The following FRAS1 variants were observed in gnomAD, a reference collection of about 807,000 sequenced individuals.
The protein encoded by FRAS1 is Fraser extracellular matrix complex subunit 1.
A neutral mutation model predicts 435.2 loss-of-function variants in FRAS1; 290 were observed. That is an observed-to-expected ratio of 0.67 (90% CI 0.61 to 0.73). The LOEUF (loss-of-function observed/expected upper bound fraction) is 0.73. Ranked by LOEUF, FRAS1 falls within the 30% of genes least tolerant of loss-of-function variation. The probability of loss-of-function intolerance (pLI) is 0.00; values close to 1 mark genes in which losing one functional copy is unlikely to be tolerated. For synonymous variants in FRAS1, 1,800 were observed against 1,851.0 expected, an observed-to-expected ratio of 0.97 and a Z score of 0.71; for missense variants, 4,860 against 5,001.5, an observed-to-expected ratio of 0.97 and a Z score of 0.85.
At position 78,479,325 on chromosome 4, in the gene FRAS1, T is replaced by A. The variant is rs370911980; in HGVS notation, c.8099-49T>A. ...TTAACTTACCAGAGGTTTTAAAATC[T>A]GAGAAGCACTCATTCAAATGCTTTG... On this transcript the variant is annotated intron_variant, in intron 55 of 73. Coordinates refer to ENST00000512123, the MANE Select transcript of FRAS1 (RefSeq NM_025074.7). 53 of 1,271,268 alleles carry A rather than the reference T, an allele frequency of 4.2e-5. No individual in the cohort carries two copies. In the African/African-American group the frequency reaches 6.7e-4, roughly 16 times the overall value. 78.7% of individuals were successfully genotyped at this position (1,271,268 alleles called of 1,614,324 possible). A position where few individuals can be genotyped will look rare whatever the true frequency, so the allele number is the denominator to read the frequency against.
chr4:78,117,806 G>A (rs1046315227), intron 2 of FRAS1, among the ~76,000 whole-genome samples: 17 of 152,196 alleles, frequency 1.1e-4, no homozygotes, highest in East Asian at 3.9e-4. Flanking sequence ...TAGTTTGATC[G>A]TCTGAAGCCT....
rs376549595 is a variant in FRAS1, at chr4:78,111,754, A to AT, written c.108+45738_108+45739insT. 7.7e-3 allele frequency among the ~76,000 whole-genome samples: 390 copies of AT among 50,436 alleles called. 1 individual carries two copies. Among genetic ancestry groups the AT allele is most frequent in the Middle Eastern group, 0.019 (2 of 108 alleles). 33.1% of individuals were successfully genotyped at this position (50,436 alleles called of 152,430 possible). A position where few individuals can be genotyped will look rare whatever the true frequency, so the allele number is the denominator to read the frequency against. Reference sequence around the variant, plus strand: ...GTACCCTAAAACTTAGAGTATAATAAAAAAAAAAAAAAAAAAAAAAGATGA... The same window carrying AT: ...GTACCCTAAAACTTAGAGTATAATAATAAAAAAAAAAAAAAAAAAAAGATGA... On this transcript the variant is annotated intron_variant, in intron 2 of 73. Transcript: ENST00000512123.
At chr4:78,284,907 C>T (rs753178350) in intron 13 of FRAS1, among the ~76,000 whole-genome samples, 19 of 151,994 alleles carry the variant, frequency 1.3e-4, no homozygotes, top group Non-Finnish European at 2.4e-4. Context: ...TCAATTAATC[C>T]GGGATAGAAA....
At position 78,518,428 on chromosome 4, in the gene FRAS1, A is replaced by G. The variant is rs920709291; in HGVS notation, c.10390-903A>G. Among the ~76,000 whole-genome samples the G allele has an allele frequency of 1.8e-3, 98 of 54,208 alleles. 1 individual carries two copies. Among genetic ancestry groups the G allele is most frequent in the South Asian group, 0.018 (13 of 740 alleles). 35.6% of individuals were successfully genotyped at this position (54,208 alleles called of 152,430 possible). A position where few individuals can be genotyped will look rare whatever the true frequency, so the allele number is the denominator to read the frequency against. ...AGCTAAGTTTTTTTGTTGTGTATAT[A>G]TATATATATATATATATATATATAT... On this transcript the variant is annotated intron_variant, in intron 66 of 73. Transcript: ENST00000512123.
intron 51 of FRAS1, 31 bp downstream of exon 51, chr4:78,470,122 C>A: frequency 7.0e-7 from 1 of 1,434,260 alleles, no homozygotes; most frequent in Non-Finnish European, 9.8e-7. Flanking sequence ...ATGTTCACAC[C>A]ACCCAACTTG....
chr4:78,159,290 A>C (rs1721033586), intron 2 of FRAS1, among the ~76,000 whole-genome samples: 1 of 152,200 alleles, frequency 6.6e-6, no homozygotes, highest in Admixed American at 6.6e-5. Flanking sequence ...GAAAATATAG[A>C]GGAAGTGACC....
chr4:78,155,215 A>G (rs971048990), intron 2 of FRAS1, among the ~76,000 whole-genome samples: 2 of 152,220 alleles, frequency 1.3e-5, no homozygotes, highest in African/African-American at 4.8e-5. Context: ...TGGCTGGAAC[A>G]GAACCACCCT....
At chr4:78,539,080 A>C (rs1036346625) in intron 72 of FRAS1, among the ~76,000 whole-genome samples, 1 of 152,008 alleles carries the variant, frequency 6.6e-6, no homozygotes, top group Non-Finnish European at 1.5e-5. Flanking sequence ...CATGGGGATT[A>C]TGGGAACTGT....
intron 9 of FRAS1, among the ~76,000 whole-genome samples, chr4:78,275,454 G>A (rs1049454976): frequency 5.3e-5 from 8 of 152,152 alleles, no homozygotes; most frequent in South Asian, 2.1e-4. Flanking sequence ...GGCTGGCACC[G>A]GTTGTTCCTT....
intron 2 of FRAS1, among the ~76,000 whole-genome samples, chr4:78,124,471 G>A (rs1182429012): frequency 6.6e-6 from 1 of 152,166 alleles, no homozygotes; most frequent in Non-Finnish European, 1.5e-5. Context: ...TTGGCATCAG[G>A]ATGATGCTGG....
chr4:78,082,113 A>G (rs1434947421), intron 2 of FRAS1, among the ~76,000 whole-genome samples: 4 of 152,168 alleles, frequency 2.6e-5, no homozygotes, highest in African/African-American at 9.6e-5. Flanking sequence ...TTGAAAAATG[A>G]CACTTTAGGA....
At position 78,464,049 on chromosome 4, in the gene FRAS1, T is replaced by C. The variant is rs1034190065; in HGVS notation, c.6792T>C (p.Ala2264=). The part of the protein sequence containing the change: ...PGIQISSFTQ[A]DLTSRNVQYV... ...TCCAGATTAGTTCCTTTACTCAAGCTGATCTGACTTCACGAAATGTTCAGT... is the reference window on the plus strand; with the variant it reads ...TCCAGATTAGTTCCTTTACTCAAGCCGATCTGACTTCACGAAATGTTCAGT... Residue 2264 remains alanine, a synonymous_variant, in exon 48 of 74, where the codon GCT becomes GCC. Coordinates refer to ENST00000512123, the MANE Select transcript of FRAS1 (RefSeq NM_025074.7). The C allele has an allele frequency of 1.2e-5, 19 of 1,613,584 alleles. No homozygotes were observed. The highest frequency in any genetic ancestry group is 3.4e-4 in the Middle Eastern group (2 of 5,876).
At chr4:78,321,769 CG>C (rs1729516613) in intron 18 of FRAS1, among the ~76,000 whole-genome samples, 1 of 142,190 alleles carries the variant, frequency 7.0e-6, no homozygotes, top group African/African-American at 2.6e-5. Context: ...AGCTTGAACT[CG>C]GGGGCGGGGG....
intron 2 of FRAS1, among the ~76,000 whole-genome samples, chr4:78,190,811 T>C (rs1035660620): frequency 6.6e-6 from 1 of 152,188 alleles, no homozygotes; most frequent in Non-Finnish European, 1.5e-5. Flanking sequence ...GACTGAATTG[T>C]TTACACTGCC....
chr4:78,339,749 G>C (rs1377799969), intron 20 of FRAS1, among the ~76,000 whole-genome samples: 1 of 152,212 alleles, frequency 6.6e-6, no homozygotes, highest in Non-Finnish European at 1.5e-5. Flanking sequence ...CCAGAGTATA[G>C]AAAGTTCAAA....
intron 14 of FRAS1, among the ~76,000 whole-genome samples, chr4:78,287,868 A>G (rs17003102): frequency 0.045 from 6,840 of 152,188 alleles, 540 homozygotes; most frequent in African/African-American, 0.15. Flanking sequence ...AGTGTAGCAG[A>G]GCCTGTTTTG....
At chr4:78,065,289 T>C (rs929704791) in intron 1 of FRAS1, among the ~76,000 whole-genome samples, 6 of 149,618 alleles carry the variant, frequency 4.0e-5, no homozygotes, top group Admixed American at 6.7e-5. Context: ...AGTATATATG[T>C]AATGGTATAT....
intron 1 of FRAS1, among the ~76,000 whole-genome samples, chr4:78,062,969 G>A (rs115643861): frequency 6.6e-6 from 1 of 152,062 alleles, no homozygotes; most frequent in Admixed American, 6.6e-5. Context: ...TGTTGTCTCC[G>A]GTTTTTCCTC....
intron 60 of FRAS1, among the ~76,000 whole-genome samples, chr4:78,497,594 T>C (rs569960113): frequency 2.0e-4 from 31 of 152,218 alleles, no homozygotes; most frequent in Non-Finnish European, 3.8e-4. Flanking sequence ...AAGCATATTA[T>C]ATTATCTTAT....
Sources: gnomAD v4.1 joint callset for allele counts (sites outside exome capture counted in the v4.1 genomes callset) on GRCh38, gnomAD v4.1.1 for gene constraint, MANE v1.5 for transcripts, NCBI Gene and HGNC (gene_info 2026-07-23, HGNC 2026-07-21) for gene names.